The following DCPS variants were observed in gnomAD, a reference collection of about 807,000 sequenced individuals.
The protein encoded by DCPS is decapping enzyme, scavenger.
DCPS carries 27 observed loss-of-function variants against 34.7 expected under a neutral mutation model. That is an observed-to-expected ratio of 0.78 (90% CI 0.57 to 1.07). The LOEUF is 1.07. Ranked by LOEUF, DCPS falls within the 50% of genes least tolerant of loss-of-function variation. The pLI is 0.00. For synonymous variants in DCPS, 185 were observed against 185.7 expected (o/e 1.00, Z 0.03); for missense variants, 464 against 436.9 (o/e 1.06, Z -0.55).
rs531321290 is a variant in DCPS, at chr11:126,308,738, C to G, written c.376+1994C>G. Among the ~76,000 whole-genome samples the G allele has an allele frequency of 7.9e-5, 12 of 151,546 alleles. No individual in the cohort carries two copies. The East Asian group carries it at 9.8e-4, about 12-fold the overall frequency. ...GAAATCCCTCTACCCACCCTCCCCA[C>G]CCTTGGCCAAAATTCAGAAGGTTCT... On this transcript the variant is annotated intron_variant, in intron 2 of 5. Coordinates refer to ENST00000263579, the MANE Select transcript of DCPS (RefSeq NM_014026.6).
chr11:126,327,856 C>T lies in DCPS; in HGVS notation c.377-3549C>T, dbSNP rs984078518. On this transcript the variant is annotated intron_variant, in intron 2 of 5. Transcript: ENST00000263579. The surrounding 1 kb of genome is among the most constrained non-coding windows in gnomAD (Gnocchi z 4.1). ...GTGCTGGGGACAAATTGTTTTCTTC[C>T]GGAAGCTGCATAGTAGTTGGGGAGT... Among the ~76,000 whole-genome samples, 8 of 152,174 alleles carry T rather than the reference C, an allele frequency of 5.3e-5. No homozygotes were observed. Among genetic ancestry groups the T allele is most frequent in the East Asian group, 1.9e-4 (1 of 5,194 alleles).
In DCPS at chr11:126,323,162, A is replaced by G. The variant is rs79168443; in HGVS notation, c.377-8243A>G. Among the ~76,000 whole-genome samples the G allele has an allele frequency of 0.012, 1,872 of 152,276 alleles. 38 individuals are homozygous for G. Among genetic ancestry groups the G allele is most frequent in the African/African-American group, 0.043 (1,772 of 41,538 alleles). ...TCCTAAGTGTGACAGTAGAATAAAT[A>G]TATTTTCAGATGTTTCAAGTCTCAA... On this transcript the variant is annotated intron_variant, in intron 2 of 5. Transcript: ENST00000263579. The surrounding 1 kb of genome is among the most constrained non-coding windows in gnomAD (Gnocchi z 4.4).
chr11:126,318,772 A>C (rs1039557963), intron 2 of DCPS, among the ~76,000 whole-genome samples: 16 of 152,310 alleles, frequency 1.1e-4, no homozygotes, highest in Admixed American at 4.6e-4. Context: ...AGCCATAGAG[A>C]TGAGCTCATC....
chr11:126,309,498 A>G (rs1951603156), intron 2 of DCPS, among the ~76,000 whole-genome samples: 1 of 152,180 alleles, frequency 6.6e-6, no homozygotes, highest in Non-Finnish European at 1.5e-5. Flanking sequence ...TAGTTATTAT[A>G]CCATGTTTTT....
Position 126,347,793 on chromosome 11 carries a change from G to A in DCPS, c.*2180G>A, listed in dbSNP as rs891310167. On this transcript the variant is annotated 3_prime_UTR_variant, in exon 6 of 6. Coordinates refer to ENST00000263579, the MANE Select transcript of DCPS (RefSeq NM_014026.6). The surrounding 1 kb of genome is among the most constrained non-coding windows in gnomAD (Gnocchi z 4.2). ...CAGGAATGCTCCCTGCGTCTCAGTT[G>A]TGCCCATTCCAGGTCCAGGGGAAAG... 3.9e-5 allele frequency among the ~76,000 whole-genome samples: 6 copies of A among 152,184 alleles called. No homozygotes were observed. The highest frequency in any genetic ancestry group is 1.3e-4 in the Admixed American group (2 of 15,278).
chr11:126,316,650 T>TA (rs1322055501), intron 2 of DCPS, among the ~76,000 whole-genome samples: 1 of 150,986 alleles, frequency 6.6e-6, no homozygotes, highest in East Asian at 1.9e-4. Context: ...AAGTACATTT[T>TA]TTTTTTTTCA....
Position 126,347,527 on chromosome 11 carries a change from G to A in DCPS, c.*1914G>A, listed in dbSNP as rs1393218151. On this transcript the variant is annotated 3_prime_UTR_variant, in exon 6 of 6. Transcript: ENST00000263579. This position sits in a 1 kb window ranked among gnomAD's most constrained non-coding sequence, Gnocchi z 4.2. Reference sequence around the variant, plus strand: ...GCGTGAGCCACCGCGCCCAGCCCCTGCAATACGTCAACAGTCCCTAGATTC... The same window carrying A: ...GCGTGAGCCACCGCGCCCAGCCCCTACAATACGTCAACAGTCCCTAGATTC... Among the ~76,000 whole-genome samples, 2 of 152,286 alleles carry A rather than the reference G, an allele frequency of 1.3e-5. No individual in the cohort carries two copies. Among genetic ancestry groups the A allele is most frequent in the African/African-American group, 4.8e-5 (2 of 41,566 alleles).
At position 126,342,704 on chromosome 11, in the gene DCPS, T is replaced by C. The variant is rs188806291; in HGVS notation, c.637-603T>C. 7.2e-5 allele frequency among the ~76,000 whole-genome samples: 11 copies of C among 152,276 alleles called. No individual in the cohort carries two copies. In the East Asian group the frequency reaches 1.9e-3, roughly 27 times the overall value. ...TACTTGCATACATGCGATAAGACTG[T>C]AAACTCTCGGAGGGAGAGAGTTGCC... On this transcript the variant is annotated intron_variant, in intron 4 of 5. Transcript: ENST00000263579. The surrounding 1 kb of genome is among the most constrained non-coding windows in gnomAD (Gnocchi z 4.4).
In DCPS at chr11:126,338,497, G is replaced by A. The variant is rs531342235; in HGVS notation, c.636+98G>A. ...CTTTCTCACGCTGGCCTGTCTCTAAGCAGATTATAATTAACCAACAAGGGT... is the reference window on the plus strand; with the variant it reads ...CTTTCTCACGCTGGCCTGTCTCTAAACAGATTATAATTAACCAACAAGGGT... On this transcript the variant is annotated intron_variant, in intron 4 of 5. Coordinates refer to ENST00000263579, the MANE Select transcript of DCPS (RefSeq NM_014026.6). The surrounding 1 kb of genome is among the most constrained non-coding windows in gnomAD (Gnocchi z 5.4). The A allele has an allele frequency of 4.1e-5, 46 of 1,127,430 alleles. No homozygotes were observed. The East Asian group carries it at 9.0e-4, about 22-fold the overall frequency. The allele number at this position is 1,127,430 out of a possible 1,614,324, so 69.8% of individuals were successfully genotyped here. A position where few individuals can be genotyped will look rare whatever the true frequency, so the allele number is the denominator to read the frequency against.
intron 5 of DCPS, among the ~76,000 whole-genome samples, chr11:126,343,843 C>A (rs1400363306): frequency 6.6e-6 from 1 of 152,178 alleles, no homozygotes; most frequent in Non-Finnish European, 1.5e-5. Flanking sequence ...AGGCTGAATT[C>A]TGTAGCACCT....
intron 4 of DCPS, chr11:126,341,622 G>A (rs1951876405): frequency 6.6e-6 from 1 of 152,172 alleles, no homozygotes; most frequent in African/African-American, 2.4e-5. Flanking sequence ...TTATTTGGGA[G>A]TTTGGTGACA....
chr11:126,345,701 T>G lies in DCPS; in HGVS notation c.*88T>G, dbSNP rs1951919702. ...TATCTCCAAGTGAATTTTCTAAAAATGTATTTTATACCGGCTTATTCCTAG... is the reference window on the plus strand; with the variant it reads ...TATCTCCAAGTGAATTTTCTAAAAAGGTATTTTATACCGGCTTATTCCTAG... On this transcript the variant is annotated 3_prime_UTR_variant, in exon 6 of 6. Transcript: ENST00000263579. This position sits in a 1 kb window ranked among gnomAD's most constrained non-coding sequence, Gnocchi z 7.4. 6.5e-7 allele frequency: 1 copy of G among 1,541,342 alleles called. No individual in the cohort carries two copies. The highest frequency in any genetic ancestry group is 1.4e-5 in the African/African-American group (1 of 73,374).
At position 126,328,858 on chromosome 11, in the gene DCPS, A is replaced by C. The variant is rs1348985562; in HGVS notation, c.377-2547A>C. Among the ~76,000 whole-genome samples, 1 of 151,802 alleles carries C rather than the reference A, an allele frequency of 6.6e-6. No individual in the cohort carries two copies. The highest frequency in any genetic ancestry group is 1.5e-5 in the Non-Finnish European group (1 of 67,944). ...ACTTCCTGAATCTTTCCTTCTACTG[A>C]CTCGTTTAATTCTCCCAACAGCCCT... On this transcript the variant is annotated intron_variant, in intron 2 of 5. Transcript: ENST00000263579. This position sits in a 1 kb window ranked among gnomAD's most constrained non-coding sequence, Gnocchi z 6.6.
chr11:126,344,646 GA>G lies in DCPS; in HGVS notation c.748-700del, dbSNP rs1247251531. ...TCAGGGATTTGCCCACAATGGAGATGAGAGTCTCCGCTTAATTCTATGCCTC... is the reference window on the plus strand; with the variant it reads ...TCAGGGATTTGCCCACAATGGAGATGGAGTCTCCGCTTAATTCTATGCCTC... On this transcript the variant is annotated intron_variant, in intron 5 of 5. Transcript: ENST00000263579. The surrounding 1 kb of genome is among the most constrained non-coding windows in gnomAD (Gnocchi z 8.1). Among the ~76,000 whole-genome samples, 7 of 152,192 alleles carry G rather than the reference GA, an allele frequency of 4.6e-5. No homozygotes were observed. Among genetic ancestry groups the G allele is most frequent in the Non-Finnish European group, 7.3e-5 (5 of 68,036 alleles).
In DCPS at chr11:126,338,084, G is replaced by C. The variant is rs757480677; in HGVS notation, c.523-202G>C. ...CATGGCTGAGTGCCAGCTGGAGTGGGAAGGGGGAAGTCCCTTCTGGACCCC... is the reference window on the plus strand; with the variant it reads ...CATGGCTGAGTGCCAGCTGGAGTGGCAAGGGGGAAGTCCCTTCTGGACCCC... On this transcript the variant is annotated intron_variant, in intron 3 of 5. Transcript: ENST00000263579. The surrounding 1 kb of genome is among the most constrained non-coding windows in gnomAD (Gnocchi z 5.4). 1.9e-5 allele frequency: 11 copies of C among 582,488 alleles called. No individual in the cohort carries two copies. The highest frequency in any genetic ancestry group is 3.1e-5 in the Non-Finnish European group (10 of 324,742). 36.1% of individuals were successfully genotyped at this position (582,488 alleles called of 1,614,324 possible). A position where few individuals can be genotyped will look rare whatever the true frequency, so the allele number is the denominator to read the frequency against.
chr11:126,310,086 TAA>T (rs1404012762), intron 2 of DCPS, among the ~76,000 whole-genome samples: 1 of 152,206 alleles, frequency 6.6e-6, no homozygotes, highest in Non-Finnish European at 1.5e-5. Flanking sequence ...GGGAGTCTGG[TAA>T]AACAGAATCT....
In DCPS at chr11:126,325,501, C is replaced by T. The variant is rs1276827236; in HGVS notation, c.377-5904C>T. 6.6e-6 allele frequency among the ~76,000 whole-genome samples: 1 copy of T among 152,090 alleles called. No homozygotes were observed. The highest frequency in any genetic ancestry group is 6.6e-5 in the Admixed American group (1 of 15,260). ...GTAAGTAATAGTAGAAGTTAAAAGT[C>T]AAGTAGGAACAAGATATAAAAGTAT... is the stretch of plus-strand genomic sequence containing the variant. On this transcript the variant is annotated intron_variant, in intron 2 of 5. Coordinates refer to ENST00000263579, the MANE Select transcript of DCPS (RefSeq NM_014026.6). This position sits in a 1 kb window ranked among gnomAD's most constrained non-coding sequence, Gnocchi z 4.3.
chr11:126,317,677 C>G (rs1951672549), intron 2 of DCPS, among the ~76,000 whole-genome samples: 1 of 152,204 alleles, frequency 6.6e-6, no homozygotes, highest in South Asian at 2.1e-4. Context: ...TAAAGACATG[C>G]CTTCAGGCAG....
rs145842839 is a variant in DCPS, at chr11:126,344,613, T to C, written c.748-734T>C. Among the ~76,000 whole-genome samples, 604 of 152,328 alleles carry C rather than the reference T, an allele frequency of 4.0e-3. 4 individuals carry two copies. The highest frequency in any genetic ancestry group is 0.014 in the African/African-American group (588 of 41,570). On this transcript the variant is annotated intron_variant, in intron 5 of 5. Transcript: ENST00000263579. This position sits in a 1 kb window ranked among gnomAD's most constrained non-coding sequence, Gnocchi z 8.1. ...GCCCTAGTACTTTTCTCTTCACCTC[T>C]GACCACCTCAGGGATTTGCCCACAA... is the stretch of plus-strand genomic sequence containing the variant.
Sources: allele counts gnomAD v4.1 joint callset (sites outside exome capture counted in the v4.1 genomes callset), GRCh38; gene constraint gnomAD v4.1.1; non-coding constraint Gnocchi (gnomAD v3.1); transcripts MANE v1.5; gene names NCBI Gene and HGNC (gene_info 2026-07-23, HGNC 2026-07-21).